CELF2: variants seen among roughly 807,000 people sequenced by gnomAD.
CELF2 encodes the protein CUG triplet repeat RNA-binding protein 2.
A neutral mutation model predicts 62.6 loss-of-function variants in CELF2; 8 were observed. The ratio of observed to expected loss-of-function variants is 0.13; its 90% CI spans 0.07 to 0.23. The LOEUF is 0.23. Among genes scored for constraint, CELF2 ranks in the 10% least tolerant of loss-of-function variants. The pLI is 1.00. For missense variants in CELF2, 333 were observed against 671.0 expected (o/e 0.50, Z 5.56); for synonymous variants, 258 against 250.0 (o/e 1.03, Z -0.30).
chr10:10,503,026 A>G, the CELF2 span, among the ~76,000 whole-genome samples: 2 of 152,006 alleles, frequency 1.3e-5, no homozygotes, highest in Non-Finnish European at 2.9e-5. Flanking sequence ...TAGTTTCAAT[A>G]GGTTAGAATA....
At chr10:10,939,280 T>G (rs112250287) in intron 2 of CELF2, among the ~76,000 whole-genome samples, 111 of 148,950 alleles carry the variant, frequency 7.5e-4, no homozygotes, top group African/African-American at 1.1e-3. Context: ...TTTTGTGGTG[T>G]TGTTGTTGTT....
the CELF2 span, among the ~76,000 whole-genome samples, chr10:10,770,311 G>A: frequency 6.6e-5 from 10 of 151,970 alleles, no homozygotes; most frequent in African/African-American, 7.2e-5. Flanking sequence ...CAGCCTGGGC[G>A]ACAGAGCGAG....
chr10:10,561,797 TG>T, the CELF2 span, among the ~76,000 whole-genome samples: 1 of 152,174 alleles, frequency 6.6e-6, no homozygotes, highest in African/African-American at 2.4e-5. Flanking sequence ...CCTTCCTGGC[TG>T]GGTGTCTTCT....
At chr10:10,548,087 C>T in the CELF2 span, among the ~76,000 whole-genome samples, 1 of 152,098 alleles carries the variant, frequency 6.6e-6, no homozygotes, top group East Asian at 1.9e-4. Flanking sequence ...CCTGAATTAT[C>T]AGCCAGGGGC....
At chr10:10,483,214 C>CAAAAAAAAAAAAA in the CELF2 span, among the ~76,000 whole-genome samples, 3 of 93,436 alleles carry the variant, frequency 3.2e-5, no homozygotes, top group Non-Finnish European at 6.5e-5. Context: ...GGCAGAATAC[C>CAAAAAAAAAAAAA]AAAAAAAAAA....
At chr10:11,310,101 C>T (rs1014923524) in intron 9 of CELF2, among the ~76,000 whole-genome samples, 2 of 152,154 alleles carry the variant, frequency 1.3e-5, no homozygotes, top group African/African-American at 4.8e-5. Flanking sequence ...ACTCAGAATG[C>T]TATGCCTAGC....
At chr10:10,944,812 A>T (rs1189877432) in intron 2 of CELF2, among the ~76,000 whole-genome samples, 1 of 152,162 alleles carries the variant, frequency 6.6e-6, no homozygotes, top group Non-Finnish European at 1.5e-5. Context: ...CACATTGGCC[A>T]GGCTGGTCCC....
the CELF2 span, among the ~76,000 whole-genome samples, chr10:10,661,080 C>G: frequency 2.0e-5 from 3 of 152,190 alleles, no homozygotes; most frequent in African/African-American, 7.2e-5. Context: ...ATGCTCAGAT[C>G]TTAAATGTGT....
In CELF2 at chr10:11,330,173, A is replaced by ACTTTCCCCGTATGTCAC. The variant is rs1157114398; in HGVS notation, c.*1121_*1137dup. ...ATCTAGTTTACAGTTCAGTCGTCTG[A>ACTTTCCCCGTATGTCAC]CTTTCCCCGTATGTCACATTTGTTG... On this transcript the variant is annotated 3_prime_UTR_variant, in exon 13 of 13. Transcript: ENST00000633077. This position sits in a 1 kb window ranked among gnomAD's most constrained non-coding sequence, Gnocchi z 4.5. 6.6e-6 allele frequency: 1 copy of ACTTTCCCCGTATGTCAC among 152,532 alleles called. No individual in the cohort carries two copies. The highest frequency in any genetic ancestry group is 1.5e-5 in the Non-Finnish European group (1 of 68,022). 9.4% of individuals were successfully genotyped at this position (152,532 alleles called of 1,614,324 possible). A position where few individuals can be genotyped will look rare whatever the true frequency, so the allele number is the denominator to read the frequency against.
Position 11,227,479 on chromosome 10 carries a change from G to T in CELF2, c.354+9972G>T, listed in dbSNP as rs2067029088. On this transcript the variant is annotated intron_variant, in intron 3 of 12. Transcript: ENST00000633077. The surrounding 1 kb of genome is among the most constrained non-coding windows in gnomAD (Gnocchi z 4.8). Reference sequence around the variant, plus strand: ...GAGGATGGGTGCCAGGGGTGCCTCTGCATGAAGTGCTGGAAGCTTGGACAT... The same window carrying T: ...GAGGATGGGTGCCAGGGGTGCCTCTTCATGAAGTGCTGGAAGCTTGGACAT... 6.6e-6 allele frequency among the ~76,000 whole-genome samples: 1 copy of T among 152,216 alleles called. No homozygotes were observed. Among genetic ancestry groups the T allele is most frequent in the Non-Finnish European group, 1.5e-5 (1 of 68,034 alleles).
the CELF2 span, among the ~76,000 whole-genome samples, chr10:10,734,034 G>A: frequency 1.6e-4 from 24 of 151,816 alleles, no homozygotes; most frequent in African/African-American, 3.6e-4. Context: ...AATAGCATAC[G>A]TATATCAATT....
At chr10:10,758,966 C>G in the CELF2 span, among the ~76,000 whole-genome samples, 1 of 152,146 alleles carries the variant, frequency 6.6e-6, no homozygotes, top group South Asian at 2.1e-4. Context: ...AGGAGAGCTT[C>G]CCTATCTCCT....
At chr10:10,922,124 A>C (rs1043844908) in intron 2 of CELF2, among the ~76,000 whole-genome samples, 17 of 151,952 alleles carry the variant, frequency 1.1e-4, no homozygotes, top group Non-Finnish European at 2.2e-4. Flanking sequence ...TTGCCAAAAA[A>C]AAACTGTTTA....
At chr10:10,703,513 A>G in the CELF2 span, among the ~76,000 whole-genome samples, 1 of 152,226 alleles carries the variant, frequency 6.6e-6, no homozygotes, top group Non-Finnish European at 1.5e-5. Flanking sequence ...ACTGAAGACT[A>G]AACAGGAAAA....
intron 1 of CELF2, among the ~76,000 whole-genome samples, chr10:11,057,735 G>T (rs1160022481): frequency 6.6e-6 from 1 of 152,106 alleles, no homozygotes; most frequent in African/African-American, 2.4e-5. Context: ...ATGACTTCGG[G>T]AATACAGGAG....
the CELF2 span, among the ~76,000 whole-genome samples, chr10:10,576,095 C>A: frequency 6.6e-6 from 1 of 152,218 alleles, no homozygotes; most frequent in Admixed American, 6.5e-5. Flanking sequence ...GCTGCTTTAT[C>A]TGGCTGGGCC....
At chr10:11,059,273 T>A (rs1166730232) in intron 1 of CELF2, among the ~76,000 whole-genome samples, 1 of 152,208 alleles carries the variant, frequency 6.6e-6, no homozygotes, top group African/African-American at 2.4e-5. Context: ...GCTTTTTGAC[T>A]TGATTTGACT....
intron 1 of CELF2, among the ~76,000 whole-genome samples, chr10:11,018,589 G>A (rs1275317143): frequency 6.7e-6 from 1 of 150,230 alleles, no homozygotes; most frequent in Non-Finnish European, 1.5e-5. Context: ...TGGGACCGGC[G>A]AGCCGGGCGC....
At position 10,957,664 on chromosome 10, in the gene CELF2, C is replaced by T. The variant is rs1215375330; in HGVS notation, c.89+37665C>T. On this transcript the variant is annotated intron_variant, in intron 2 of 13. Coordinates refer to the CELF2 transcript ENST00000636488. This position sits in a 1 kb window ranked among gnomAD's most constrained non-coding sequence, Gnocchi z 4.1. ...CTGTGCTCCCGATGTAGTAAAATGA[C>T]TCATAATTGGCCAAATTCTCCAGCT... Among the ~76,000 whole-genome samples the T allele has an allele frequency of 1.3e-5, 2 of 152,148 alleles. No individual in the cohort carries two copies. The highest frequency in any genetic ancestry group is 2.9e-5 in the Non-Finnish European group (2 of 68,032).
Sources: gnomAD v4.1 joint callset for allele counts (sites outside exome capture counted in the v4.1 genomes callset) on GRCh38, gnomAD v4.1.1 for gene constraint, Gnocchi (gnomAD v3.1) non-coding constraint, MANE v1.5 for transcripts, NCBI Gene and HGNC (gene_info 2026-07-23, HGNC 2026-07-21) for gene names.